Variants in CACNG7 observed in about 807,000 individuals in gnomAD.
CACNG7 encodes the protein calcium voltage-gated channel auxiliary subunit gamma 7.
In CACNG7, 9 loss-of-function variants were observed where a neutral mutation model predicts 26.3. The ratio of observed to expected loss-of-function variants is 0.34; its 90% CI spans 0.21 to 0.60. CACNG7 has a LOEUF of 0.60. Ranked by LOEUF, CACNG7 falls within the 20% of genes least tolerant of loss-of-function variation. CACNG7 has a pLI of 0.81. For missense variants in CACNG7, 297 were observed against 380.4 expected (o/e 0.78, Z 1.82); for synonymous variants, 170 against 157.0 (o/e 1.08, Z -0.62).
Position 53,942,311 on chromosome 19 carries a change from T to C in CACNG7, c.*18T>C. The stretch of plus-strand genomic sequence containing the variant: ...CCTGCTGAGGCCCGCCCCTCGGAGC[T>C]CCCCCTGCCTCCTCCTCCTCCTCGT... On this transcript the variant is annotated 3_prime_UTR_variant, in exon 6 of 6. Coordinates refer to ENST00000391767, the MANE Select transcript of CACNG7 (RefSeq NM_031896.5). The surrounding 1 kb of genome is among the most constrained non-coding windows in gnomAD (Gnocchi z 5.9). 1 of 1,586,274 alleles carries C rather than the reference T, an allele frequency of 6.3e-7. No individual in the cohort carries two copies. The highest frequency in any genetic ancestry group is 1.1e-5 in the South Asian group (1 of 89,596).
chr19:53,931,173 GC>G (rs1216935436), intron 4 of CACNG7, among the ~76,000 whole-genome samples: 1 of 152,140 alleles, frequency 6.6e-6, no homozygotes, highest in East Asian at 1.9e-4. Flanking sequence ...TTCAGCCTGG[GC>G]AACAGAGCCA....
intron 4 of CACNG7, among the ~76,000 whole-genome samples, chr19:53,920,269 GT>G (rs1389253157): frequency 1.2e-5 from 1 of 80,290 alleles, no homozygotes; most frequent in Non-Finnish European, 2.3e-5. Context: ...TGGTGGAGTT[GT>G]CCCCAGGCCT....
intron 1 of CACNG7, among the ~76,000 whole-genome samples, chr19:53,910,425 T>C (rs2068855587): frequency 6.6e-6 from 1 of 151,426 alleles, no homozygotes; most frequent in Non-Finnish European, 1.5e-5. Flanking sequence ...GGAGTGAGGG[T>C]TGTCTCAGAC....
At chr19:53,937,190 T>A (rs2069110383) in intron 4 of CACNG7, among the ~76,000 whole-genome samples, 1 of 152,154 alleles carries the variant, frequency 6.6e-6, no homozygotes, top group African/African-American at 2.4e-5. Context: ...GTGCCCAGCC[T>A]CCATTATTTT....
intron 4 of CACNG7, among the ~76,000 whole-genome samples, chr19:53,923,093 T>C (rs74195359): frequency 1.8e-4 from 19 of 108,200 alleles, no homozygotes; most frequent in South Asian, 3.7e-4. Flanking sequence ...GGTGGAGTTG[T>C]CCCAGGCTGG....
At chr19:53,936,307 T>G (rs1364560573) in intron 4 of CACNG7, among the ~76,000 whole-genome samples, 1 of 151,768 alleles carries the variant, frequency 6.6e-6, no homozygotes, top group African/African-American at 2.4e-5. Context: ...TGATGTTAAC[T>G]GCGATCACTT....
rs1436882463 is a variant in CACNG7 at position 53,920,696 on chromosome 19, T to A, written c.424+5191T>A. On this transcript the variant is annotated intron_variant, in intron 4 of 5. Coordinates refer to ENST00000391767, the MANE Select transcript of CACNG7 (RefSeq NM_031896.5). ...GCCCCAGGTCTGGTCATTGGTGGACTTGCTCCAGGTCTGGTCATTGGTGGA... is the reference window on the plus strand; with the variant it reads ...GCCCCAGGTCTGGTCATTGGTGGACATGCTCCAGGTCTGGTCATTGGTGGA... Among the ~76,000 whole-genome samples, 17 of 120,154 alleles carry A rather than the reference T, an allele frequency of 1.4e-4. 1 individual carries two copies. The highest frequency in any genetic ancestry group is 7.3e-4 in the African/African-American group (17 of 23,182). 78.8% of individuals were successfully genotyped at this position (120,154 alleles called of 152,430 possible). A position where few individuals can be genotyped will look rare whatever the true frequency, so the allele number is the denominator to read the frequency against.
chr19:53,925,703 A>G (rs1008869987), intron 4 of CACNG7, among the ~76,000 whole-genome samples: 7 of 152,258 alleles, frequency 4.6e-5, no homozygotes, highest in Non-Finnish European at 7.3e-5. Context: ...TGCGCATTAA[A>G]TGTCTCACAG....
At chr19:53,938,690 G>A (rs879350243) in intron 4 of CACNG7, among the ~76,000 whole-genome samples, 11 of 152,162 alleles carry the variant, frequency 7.2e-5, no homozygotes, top group Non-Finnish European at 1.3e-4. Context: ...GCTCACGCCT[G>A]TAATCCCAGC....
intron 1 of CACNG7, among the ~76,000 whole-genome samples, chr19:53,910,095 G>A (rs934179835): frequency 6.6e-6 from 1 of 152,134 alleles, no homozygotes; most frequent in Non-Finnish European, 1.5e-5. Flanking sequence ...TTGGAGCAAG[G>A]TTGGGTTTTA....
chr19:53,929,762 C>A (rs919489195), intron 4 of CACNG7, among the ~76,000 whole-genome samples: 1 of 151,992 alleles, frequency 6.6e-6, no homozygotes, highest in Non-Finnish European at 1.5e-5. Context: ...TCCCTTACTG[C>A]GTCTCAACAT....
intron 4 of CACNG7, among the ~76,000 whole-genome samples, chr19:53,926,874 C>G (rs1341609499): frequency 6.6e-6 from 1 of 152,216 alleles, no homozygotes; most frequent in African/African-American, 2.4e-5. Context: ...GATCATGCCA[C>G]TGCACTCTAG....
chr19:53,920,341 G>A (rs1348855920), intron 4 of CACNG7, among the ~76,000 whole-genome samples: 1 of 115,632 alleles, frequency 8.6e-6, no homozygotes, highest in Non-Finnish European at 1.7e-5. Context: ...TCTGGTCATT[G>A]GTGGAGTTTC....
intron 4 of CACNG7, among the ~76,000 whole-genome samples, chr19:53,934,996 C>CAT (rs1006654146): frequency 1.9e-4 from 29 of 150,732 alleles, no homozygotes; most frequent in East Asian, 1.4e-3. Flanking sequence ...TCTCTCTCTC[C>CAT]ATATATATAT....
At chr19:53,914,273 C>CAAAAAAAAAA (rs376053657) in intron 2 of CACNG7, among the ~76,000 whole-genome samples, 2 of 107,290 alleles carry the variant, frequency 1.9e-5, no homozygotes, top group African/African-American at 8.9e-5. Context: ...GACTCCATCT[C>CAAAAAAAAAA]AAAAAAAAAA....
chr19:53,920,645 G>T (rs1240421524), intron 4 of CACNG7, among the ~76,000 whole-genome samples: 2 of 90,656 alleles, frequency 2.2e-5, no homozygotes, highest in Non-Finnish European at 4.1e-5. Context: ...TGGTGGAGTT[G>T]CCCCAGGCTG....
chr19:53,925,674 G>A (rs2145911406), intron 4 of CACNG7, among the ~76,000 whole-genome samples: 1 of 152,350 alleles, frequency 6.6e-6, no homozygotes, highest in South Asian at 2.1e-4. Flanking sequence ...GGCTCAGGCA[G>A]GAGGATTACG....
intron 4 of CACNG7, among the ~76,000 whole-genome samples, chr19:53,928,835 G>A (rs2069051188): frequency 6.6e-6 from 1 of 152,104 alleles, no homozygotes; most frequent in Admixed American, 6.5e-5. Flanking sequence ...TGAAGGCCGG[G>A]CACGGTAGCT....
intron 4 of CACNG7, among the ~76,000 whole-genome samples, chr19:53,915,978 A>AT (rs1362663518): frequency 6.6e-6 from 1 of 152,126 alleles, no homozygotes; most frequent in Non-Finnish European, 1.5e-5. Flanking sequence ...TTTGTTTTAA[A>AT]TTTTTTCAAA....
Sources: allele counts gnomAD v4.1 joint callset (sites outside exome capture counted in the v4.1 genomes callset), GRCh38; gene constraint gnomAD v4.1.1; non-coding constraint Gnocchi (gnomAD v3.1); transcripts MANE v1.5; gene names NCBI Gene and HGNC (gene_info 2026-07-23, HGNC 2026-07-21).